LRRIQ3: variants seen among roughly 807,000 people sequenced by gnomAD.
LRRIQ3 encodes leucine-rich repeat and IQ domain-containing protein 3.
A neutral mutation model predicts 59.3 loss-of-function variants in LRRIQ3; 75 were observed. The observed-to-expected ratio is 1.26, with a 90% CI of 1.05 to 1.53. LRRIQ3 has a LOEUF of 1.53. Among genes scored for constraint, LRRIQ3 ranks in the 40% most tolerant of loss-of-function variants. The probability of loss-of-function intolerance (pLI) is 0.00; values close to 1 mark genes in which losing one functional copy is unlikely to be tolerated. For missense variants in LRRIQ3, 831 were observed against 710.0 expected (o/e 1.17, Z -1.94); for synonymous variants, 250 against 231.3 (o/e 1.08, Z -0.73).
intron 4 of LRRIQ3, among the ~76,000 whole-genome samples, chr1:74,140,334 C>A (rs1030744616): frequency 4.6e-5 from 7 of 151,656 alleles, no homozygotes; most frequent in Non-Finnish European, 1.0e-4. Flanking sequence ...AGAGTCATTT[C>A]ATAAAGATAA....
chr1:74,076,699 A>G (rs1167412776), intron 5 of LRRIQ3, among the ~76,000 whole-genome samples: 1 of 152,020 alleles, frequency 6.6e-6, no homozygotes, highest in Non-Finnish European at 1.5e-5. Flanking sequence ...TAAATTTTAT[A>G]TGTGATATTC....
At chr1:74,036,335 G>A (rs1245654977) in intron 7 of LRRIQ3, among the ~76,000 whole-genome samples, 1 of 152,098 alleles carries the variant, frequency 6.6e-6, no homozygotes, top group Non-Finnish European at 1.5e-5. Flanking sequence ...GAACAAACAG[G>A]CCTTGCTTGG....
At chr1:74,149,572 T>C (rs1287458982) in intron 4 of LRRIQ3, among the ~76,000 whole-genome samples, 3 of 152,224 alleles carry the variant, frequency 2.0e-5, no homozygotes, top group Non-Finnish European at 4.4e-5. Context: ...GTACTACCAA[T>C]TTCTCTCCAC....
intron 7 of LRRIQ3, among the ~76,000 whole-genome samples, chr1:74,030,077 C>G (rs1232029188): frequency 6.6e-6 from 1 of 151,916 alleles, no homozygotes; most frequent in African/African-American, 2.4e-5. Flanking sequence ...TGTGAAGGAC[C>G]TCTTCAAGGA....
In LRRIQ3 at chr1:74,027,070, T is replaced by A. The variant is rs557141388; in HGVS notation, c.1719-101A>T. On this transcript the variant is annotated intron_variant, in intron 7 of 7. Coordinates refer to ENST00000354431, the MANE Select transcript of LRRIQ3 (RefSeq NM_001105659.2). ...TGATAATAATTAGATGTCTTCGAAA[T>A]AGGCATATACAAGTGAGAAAGACAC... is the stretch of plus-strand genomic sequence containing the variant. The A allele has an allele frequency of 1.0e-5, 8 of 766,320 alleles. No individual in the cohort carries two copies. The Admixed American group carries it at 1.7e-4, about 16-fold the overall frequency. The allele number at this position is 766,320 out of a possible 1,614,324, so 47.5% of individuals were successfully genotyped here.
chr1:74,088,341 T>C (rs990070952), intron 5 of LRRIQ3, among the ~76,000 whole-genome samples: 12 of 152,136 alleles, frequency 7.9e-5, no homozygotes, highest in Non-Finnish European at 1.3e-4. Flanking sequence ...CATTTTAGGA[T>C]AATAGATTTA....
At chr1:74,038,119 C>T (rs1244541370) in intron 7 of LRRIQ3, among the ~76,000 whole-genome samples, 1 of 152,196 alleles carries the variant, frequency 6.6e-6, no homozygotes, top group Non-Finnish European at 1.5e-5. Context: ...TGCTTTTCCC[C>T]TGATGGAGCC....
intron 4 of LRRIQ3, among the ~76,000 whole-genome samples, chr1:74,146,990 G>C (rs1647613124): frequency 6.6e-6 from 1 of 152,202 alleles, no homozygotes; most frequent in Non-Finnish European, 1.5e-5. Context: ...CACTTTAGGA[G>C]GACAAGGCAG....
rs570194883 is a variant in LRRIQ3, at chr1:74,045,323, A to G, written c.998-3390T>C. Among the ~76,000 whole-genome samples, 6 of 152,284 alleles carry G rather than the reference A, an allele frequency of 3.9e-5. No homozygotes were observed. In the East Asian group the frequency reaches 1.2e-3, roughly 29 times the overall value. On this transcript the variant is annotated intron_variant, in intron 6 of 7. Coordinates refer to ENST00000354431, the MANE Select transcript of LRRIQ3 (RefSeq NM_001105659.2). ...TTGTTCAACATATGCAAATCAATAAACATAATCTAGCACATAAACGGAACC... is the reference window on the plus strand; with the variant it reads ...TTGTTCAACATATGCAAATCAATAAGCATAATCTAGCACATAAACGGAACC...
rs193137375 is a variant in LRRIQ3, at chr1:74,051,395, C to T, written c.998-9462G>A. 4.3e-4 allele frequency among the ~76,000 whole-genome samples: 66 copies of T among 152,204 alleles called. No homozygotes were observed. In the East Asian group the frequency reaches 5.2e-3, roughly 12 times the overall value. On this transcript the variant is annotated intron_variant, in intron 6 of 7. Transcript: ENST00000354431. ...GCAATGATGTGACTGTTAGTGACAA[C>T]GTCTCAAATAGCCATACCTATTGTT... is the stretch of plus-strand genomic sequence containing the variant.
At chr1:74,144,172 C>A (rs1242281161) in intron 4 of LRRIQ3, among the ~76,000 whole-genome samples, 1 of 151,982 alleles carries the variant, frequency 6.6e-6, no homozygotes, top group South Asian at 2.1e-4. Context: ...ATTTGAAAGA[C>A]AAATTAGCTA....
intron 6 of LRRIQ3, among the ~76,000 whole-genome samples, chr1:74,052,449 T>C (rs1423031482): frequency 6.6e-6 from 1 of 152,204 alleles, no homozygotes; most frequent in Non-Finnish European, 1.5e-5. Context: ...ATAGATTTGC[T>C]GTGAGGGTTG....
intron 4 of LRRIQ3, among the ~76,000 whole-genome samples, chr1:74,150,541 T>C (rs537108787): frequency 1.3e-5 from 2 of 152,286 alleles, no homozygotes; most frequent in South Asian, 4.1e-4. Context: ...TGTATTTTAA[T>C]CATATTTACT....
intron 4 of LRRIQ3, among the ~76,000 whole-genome samples, chr1:74,133,043 A>T (rs2100615829): frequency 6.6e-6 from 1 of 152,270 alleles, no homozygotes; most frequent in Non-Finnish European, 1.5e-5. Context: ...TCCCATCAAA[A>T]AGTGGGCAAA....
chr1:74,042,031 T>C, intron 6 of LRRIQ3, 98 bp from the exon 7 acceptor site: 1 of 1,191,684 alleles, frequency 8.4e-7, no homozygotes, highest in Non-Finnish European at 1.1e-6. Context: ...GAACCTTTTA[T>C]TTACTTTACT....
intron 4 of LRRIQ3, chr1:74,144,604 T>C (rs1333823760): frequency 4.0e-6 from 1 of 251,028 alleles, no homozygotes; most frequent in Non-Finnish European, 8.3e-6. Flanking sequence ...TTATCTCCAT[T>C]GTATCTTCTG....
At chr1:74,058,479 A>G (rs965804402) in intron 6 of LRRIQ3, among the ~76,000 whole-genome samples, 12 of 151,886 alleles carry the variant, frequency 7.9e-5, no homozygotes, top group African/African-American at 2.9e-4. Context: ...AGAAAGACAA[A>G]TATTACATGT....
intron 4 of LRRIQ3, among the ~76,000 whole-genome samples, chr1:74,123,490 T>C (rs978376565): frequency 6.6e-6 from 1 of 151,906 alleles, no homozygotes; most frequent in Middle Eastern, 3.2e-3. Context: ...TCATTCTATC[T>C]CTACTTCCAT....
chr1:74,061,227 G>T (rs1654713212), intron 6 of LRRIQ3, among the ~76,000 whole-genome samples: 1 of 152,128 alleles, frequency 6.6e-6, no homozygotes, highest in African/African-American at 2.4e-5. Context: ...GCTAACTGGG[G>T]TGGTGAAAGA....
Sources: gnomAD v4.1 joint callset for allele counts (sites outside exome capture counted in the v4.1 genomes callset) on GRCh38, gnomAD v4.1.1 for gene constraint, MANE v1.5 for transcripts, NCBI Gene and HGNC (gene_info 2026-07-23, HGNC 2026-07-21) for gene names.